APH1B: variants seen among roughly 807,000 people sequenced by gnomAD.
APH1B encodes the protein gamma-secretase subunit APH-1B.
A neutral mutation model predicts 28.2 loss-of-function variants in APH1B; 27 were observed. The ratio of observed to expected loss-of-function variants is 0.96; its 90% CI spans 0.70 to 1.32. The LOEUF is 1.32. Among genes scored for constraint, APH1B ranks in the 40% most tolerant of loss-of-function variants. The probability of loss-of-function intolerance (pLI) is 0.00; values close to 1 mark genes in which losing one functional copy is unlikely to be tolerated. For missense variants in APH1B, 305 were observed against 313.6 expected (o/e 0.97, Z 0.21); for synonymous variants, 141 against 124.6 (o/e 1.13, Z -0.88).
intron 4 of APH1B, among the ~76,000 whole-genome samples, chr15:63,292,931 G>C (rs887708209): frequency 6.6e-6 from 1 of 152,284 alleles, no homozygotes; most frequent in African/African-American, 2.4e-5. Flanking sequence ...ATGGGCTGCG[G>C]CTGTAAGACT....
intron 5 of APH1B, among the ~76,000 whole-genome samples, chr15:63,302,787 C>T (rs961583547): frequency 6.6e-6 from 1 of 152,142 alleles, no homozygotes; most frequent in African/African-American, 2.4e-5. Context: ...ATTCCAGACT[C>T]GGCACCATGA....
rs200045541 is a variant in APH1B at position 63,287,534 on chromosome 15, T to G, written c.466T>G (p.Phe156Val). 10 of 1,613,942 alleles carry G rather than the reference T, an allele frequency of 6.2e-6. No homozygotes were observed. The highest frequency in any genetic ancestry group is 1.3e-5 in the African/African-American group (1 of 75,044). The change falls in exon 4 of 6, where the codon TTC (phenylalanine) becomes GTC (valine). Residue 156 changes from phenylalanine (F) to valine (V), a missense_variant. Transcript: ENST00000261879. ...CATTCATGGAGATTCTCCTCAATTC[T>G]TCCTTTATTCAGGTATGTGTCTCAT... ...VGIHGDSPQF[F>V]LYSAFMTLVI...
chr15:63,285,008 G>A (rs1250565358), intron 2 of APH1B, among the ~76,000 whole-genome samples: 1 of 152,184 alleles, frequency 6.6e-6, no homozygotes, highest in Admixed American at 6.5e-5. Context: ...TGAGAGGTAA[G>A]TTTATTTTTA....
At chr15:63,302,619 A>C in intron 5 of APH1B, 147 bp downstream of exon 5, 1 of 1,073,626 alleles carries the variant, frequency 9.3e-7, no homozygotes, top group Non-Finnish European at 1.3e-6. Flanking sequence ...GAGTCATGTA[A>C]GTCTTACCAC....
chr15:63,295,706 T>C (rs1244150154), intron 4 of APH1B, among the ~76,000 whole-genome samples: 2 of 152,198 alleles, frequency 1.3e-5, no homozygotes, highest in African/African-American at 4.8e-5. Context: ...TAACCCAAAA[T>C]GTCTACAGAC....
intron 4 of APH1B, among the ~76,000 whole-genome samples, chr15:63,302,091 G>T (rs2038635573): frequency 6.6e-6 from 1 of 152,212 alleles, no homozygotes; most frequent in African/African-American, 2.4e-5. Flanking sequence ...GTATTCCTCA[G>T]GGAAGCTGCC....
At chr15:63,283,539 C>T (rs765168543) in intron 2 of APH1B, among the ~76,000 whole-genome samples, 1 of 152,192 alleles carries the variant, frequency 6.6e-6, no homozygotes, top group African/African-American at 2.4e-5. Context: ...CAATTTATCT[C>T]TTAAATTGAT....
intron 2 of APH1B, among the ~76,000 whole-genome samples, chr15:63,283,845 C>T (rs893754920): frequency 2.6e-5 from 4 of 152,178 alleles, no homozygotes; most frequent in African/African-American, 9.7e-5. Flanking sequence ...GGACTTTTCA[C>T]TCATTTTTAG....
At chr15:63,291,216 C>T (rs2152596664) in intron 4 of APH1B, among the ~76,000 whole-genome samples, 1 of 152,168 alleles carries the variant, frequency 6.6e-6, no homozygotes, top group South Asian at 2.1e-4. Flanking sequence ...GATGAGAAAA[C>T]AGAATTCAGA....
intron 2 of APH1B, among the ~76,000 whole-genome samples, chr15:63,279,998 A>G (rs113576621): frequency 6.6e-6 from 1 of 152,006 alleles, no homozygotes; most frequent in Non-Finnish European, 1.5e-5. Context: ...GGGTTTCACC[A>G]TGTTCGCCAG....
chr15:63,281,842 A>G (rs189159677), intron 2 of APH1B, among the ~76,000 whole-genome samples: 1 of 152,104 alleles, frequency 6.6e-6, no homozygotes, highest in East Asian at 1.9e-4. Flanking sequence ...GAGGGCAGGA[A>G]AGGAGTAGGA....
intron 4 of APH1B, among the ~76,000 whole-genome samples, chr15:63,289,040 G>A (rs1159078706): frequency 1.3e-5 from 2 of 152,062 alleles, no homozygotes; most frequent in South Asian, 2.1e-4. Flanking sequence ...GATTCTTTTG[G>A]TAGTAAAAGA....
At chr15:63,282,309 G>C (rs1410060066) in intron 2 of APH1B, among the ~76,000 whole-genome samples, 1 of 152,208 alleles carries the variant, frequency 6.6e-6, no homozygotes, top group Non-Finnish European at 1.5e-5. Context: ...TTGGTGCCAA[G>C]ATTAAAATGT....
At chr15:63,294,616 A>G (rs941040019) in intron 4 of APH1B, among the ~76,000 whole-genome samples, 1 of 152,216 alleles carries the variant, frequency 6.6e-6, no homozygotes, top group African/African-American at 2.4e-5. Flanking sequence ...CAGTGTTCCA[A>G]CACTATTTCC....
chr15:63,302,500 T>C, intron 5 of APH1B, 28 bp downstream of exon 5: 3 of 1,605,066 alleles, frequency 1.9e-6, no homozygotes, highest in South Asian at 1.1e-5. Context: ...GCTCAGACTG[T>C]ATTCTGGAAC....
intron 2 of APH1B, among the ~76,000 whole-genome samples, chr15:63,281,951 T>C (rs1245658875): frequency 6.6e-6 from 1 of 152,186 alleles, no homozygotes; most frequent in Non-Finnish European, 1.5e-5. Context: ...TGTGTGCTTT[T>C]CTGAAAGGAC....
At position 63,305,826 on chromosome 15, in the gene APH1B, A is replaced by G; in HGVS notation, c.*45A>G. On this transcript the variant is annotated 3_prime_UTR_variant, in exon 6 of 6. Transcript: ENST00000261879. Reference sequence around the variant, plus strand: ...CCCAAACCGCAGACTACATCTTTAGAGGAAGCACAACTGTGCCTTTTTCTG... The same window carrying G: ...CCCAAACCGCAGACTACATCTTTAGGGGAAGCACAACTGTGCCTTTTTCTG... 1 of 1,580,930 alleles carries G rather than the reference A, an allele frequency of 6.3e-7. No individual in the cohort carries two copies. Among genetic ancestry groups the G allele is most frequent in the Non-Finnish European group, 8.6e-7 (1 of 1,167,780 alleles).
intron 4 of APH1B, among the ~76,000 whole-genome samples, chr15:63,297,445 C>G (rs1027151319): frequency 6.6e-6 from 1 of 152,136 alleles, no homozygotes; most frequent in Non-Finnish European, 1.5e-5. Flanking sequence ...GGGAGAATTA[C>G]CTGAGCCCCA....
intron 4 of APH1B, among the ~76,000 whole-genome samples, chr15:63,295,301 G>A (rs541040487): frequency 5.3e-5 from 8 of 152,220 alleles, no homozygotes; most frequent in Non-Finnish European, 8.8e-5. Context: ...TCCATTGCCC[G>A]CTGCCTGAAG....
Sources: allele counts gnomAD v4.1 joint callset (sites outside exome capture counted in the v4.1 genomes callset), GRCh38; gene constraint gnomAD v4.1.1; transcripts MANE v1.5; gene names NCBI Gene and HGNC (gene_info 2026-07-23, HGNC 2026-07-21).